DNAJC1: variants seen among roughly 807,000 people sequenced by gnomAD.
The protein encoded by DNAJC1 is DnaJ heat shock protein family (Hsp40) member C1, also known as dnaJ homolog subfamily C member 1.
A neutral mutation model predicts 76.6 loss-of-function variants in DNAJC1; 58 were observed. The ratio of observed to expected loss-of-function variants is 0.76; its 90% CI spans 0.61 to 0.94. DNAJC1 has a LOEUF of 0.94. Ranked by LOEUF, DNAJC1 falls within the 40% of genes least tolerant of loss-of-function variation. The pLI is 0.00. For synonymous variants in DNAJC1, 258 were observed against 267.9 expected (o/e 0.96, Z 0.36); for missense variants, 689 against 677.3 (o/e 1.02, Z -0.19).
chr10:21,930,277 G>T (rs1837200637), intron 1 of DNAJC1, among the ~76,000 whole-genome samples: 1 of 152,002 alleles, frequency 6.6e-6, no homozygotes, highest in Non-Finnish European at 1.5e-5. Flanking sequence ...GCCTGGCTGG[G>T]GTTTAAAACT....
intron 8 of DNAJC1, among the ~76,000 whole-genome samples, chr10:21,855,288 G>A (rs1214386974): frequency 1.3e-5 from 2 of 152,040 alleles, no homozygotes; most frequent in East Asian, 3.8e-4. Context: ...ATTTTTAATA[G>A]TGCCATATAA....
intron 1 of DNAJC1, among the ~76,000 whole-genome samples, chr10:21,989,071 T>C (rs904022460): frequency 7.2e-5 from 11 of 152,196 alleles, no homozygotes; most frequent in Non-Finnish European, 1.5e-4. Flanking sequence ...GAATAAAGTC[T>C]GGGAACAGTT....
At chr10:21,821,668 T>C (rs1340680398) in intron 8 of DNAJC1, among the ~76,000 whole-genome samples, 1 of 152,166 alleles carries the variant, frequency 6.6e-6, no homozygotes, top group Non-Finnish European at 1.5e-5. Flanking sequence ...CTAGGATTCA[T>C]GATACTCAAA....
chr10:21,841,962 C>G (rs1590009603), intron 8 of DNAJC1, among the ~76,000 whole-genome samples: 1 of 151,812 alleles, frequency 6.6e-6, no homozygotes, highest in Admixed American at 6.6e-5. Flanking sequence ...ATGGATGAAA[C>G]TGGAAACCAT....
intron 6 of DNAJC1, among the ~76,000 whole-genome samples, chr10:21,908,159 T>C (rs1422748532): frequency 3.7e-5 from 4 of 107,626 alleles, no homozygotes; most frequent in South Asian, 4.6e-4. Context: ...ATATAATATA[T>C]AAAAATATAT....
At chr10:21,795,293 CAA>C (rs1193547260) in intron 9 of DNAJC1, among the ~76,000 whole-genome samples, 1 of 152,138 alleles carries the variant, frequency 6.6e-6, no homozygotes, top group Non-Finnish European at 1.5e-5. Context: ...TTTATGCACA[CAA>C]ATATTGAGCA....
Position 21,916,670 on chromosome 10 carries a change from T to C in DNAJC1, c.729+2109A>G, listed in dbSNP as rs546273709. ...GATAACTTCGGGTGAAAAAGACTTG[T>C]TGTAAATTTCATAAATATCGTATTT... On this transcript the variant is annotated intron_variant, in intron 6 of 11. Coordinates refer to ENST00000376980, the MANE Select transcript of DNAJC1 (RefSeq NM_022365.4). Among the ~76,000 whole-genome samples, 25 of 152,254 alleles carry C rather than the reference T, an allele frequency of 1.6e-4. No individual in the cohort carries two copies. In the South Asian group the frequency reaches 2.1e-3, roughly 13 times the overall value.
rs1317295909 is a variant in DNAJC1, at chr10:21,904,391, C to T, written c.820+131G>A. 6.0e-6 allele frequency: 3 copies of T among 500,438 alleles called. No individual in the cohort carries two copies. In the East Asian group the frequency reaches 1.0e-4, roughly 17 times the overall value. 31.0% of individuals were successfully genotyped at this position (500,438 alleles called of 1,614,324 possible). A position where few individuals can be genotyped will look rare whatever the true frequency, so the allele number is the denominator to read the frequency against. On this transcript the variant is annotated intron_variant, in intron 7 of 11. Coordinates refer to ENST00000376980, the MANE Select transcript of DNAJC1 (RefSeq NM_022365.4). ...TGTCAAATACATTAAGTACAAGTGACTCCACTAGGGAGTGGGAAAAAAAAA... is the reference window on the plus strand; with the variant it reads ...TGTCAAATACATTAAGTACAAGTGATTCCACTAGGGAGTGGGAAAAAAAAA...
intron 2 of DNAJC1, 34 bp from the exon 3 acceptor site, chr10:21,928,586 C>A: frequency 6.4e-7 from 1 of 1,550,896 alleles, no homozygotes; most frequent in Admixed American, 1.7e-5. Flanking sequence ...AATAAAAATA[C>A]TCTCAACTAT....
intron 8 of DNAJC1, among the ~76,000 whole-genome samples, chr10:21,857,018 A>G (rs1689256143): frequency 6.6e-6 from 1 of 152,140 alleles, no homozygotes; most frequent in African/African-American, 2.4e-5. Flanking sequence ...TTACAGGCAC[A>G]TGCCACCATG....
At chr10:21,851,729 A>G (rs1590015533) in intron 8 of DNAJC1, among the ~76,000 whole-genome samples, 1 of 152,160 alleles carries the variant, frequency 6.6e-6, no homozygotes, top group Non-Finnish European at 1.5e-5. Context: ...GAAACAGCCC[A>G]AACATTTATC....
At chr10:21,902,879 T>C (rs1240837838) in intron 7 of DNAJC1, among the ~76,000 whole-genome samples, 4 of 152,300 alleles carry the variant, frequency 2.6e-5, no homozygotes, top group Admixed American at 6.5e-5. Context: ...TCAAATGTAG[T>C]GTATTCACGT....
intron 7 of DNAJC1, among the ~76,000 whole-genome samples, chr10:21,883,811 T>C (rs1284610586): frequency 6.6e-6 from 1 of 152,130 alleles, no homozygotes; most frequent in Non-Finnish European, 1.5e-5. Flanking sequence ...GATTCCAAAT[T>C]CAAAGTACAG....
intron 1 of DNAJC1, among the ~76,000 whole-genome samples, chr10:22,002,791 T>C (rs1293658226): frequency 1.3e-5 from 2 of 151,798 alleles, no homozygotes; most frequent in East Asian, 1.9e-4. Flanking sequence ...GATGACAGTT[T>C]AGGGTGAGAA....
intron 1 of DNAJC1, among the ~76,000 whole-genome samples, chr10:21,929,551 G>T (rs1009655121): frequency 2.0e-5 from 3 of 152,000 alleles, no homozygotes; most frequent in Non-Finnish European, 4.4e-5. Flanking sequence ...TCTGAATCCC[G>T]GGCTAACCAT....
At chr10:21,865,750 A>C (rs1325620199) in intron 8 of DNAJC1, 1 of 152,130 alleles carries the variant, frequency 6.6e-6, no homozygotes, top group Admixed American at 6.5e-5. Flanking sequence ...AAAGCTGTTA[A>C]AAAGGGGACA....
chr10:21,830,112 G>A (rs140094752), intron 8 of DNAJC1, among the ~76,000 whole-genome samples: 1,614 of 151,990 alleles, frequency 0.011, 15 homozygotes, highest in Non-Finnish European at 0.019. Flanking sequence ...GTTTTACCTT[G>A]CTCTAAACTA....
chr10:21,871,460 T>G (rs1836103538), intron 8 of DNAJC1, among the ~76,000 whole-genome samples: 1 of 152,008 alleles, frequency 6.6e-6, no homozygotes, highest in Admixed American at 6.5e-5. Context: ...TATTAGCTGA[T>G]TACCCAGCTA....
intron 1 of DNAJC1, among the ~76,000 whole-genome samples, chr10:21,981,601 C>G (rs1037728376): frequency 6.6e-6 from 1 of 152,224 alleles, no homozygotes; most frequent in East Asian, 1.9e-4. Flanking sequence ...ATTCAATTTC[C>G]TCATTTGTAA....
Sources: allele counts gnomAD v4.1 joint callset (sites outside exome capture counted in the v4.1 genomes callset), GRCh38; gene constraint gnomAD v4.1.1; transcripts MANE v1.5; gene names NCBI Gene and HGNC (gene_info 2026-07-23, HGNC 2026-07-21).